Variants in MLKL observed in about 807,000 individuals in gnomAD.
MLKL encodes the protein mixed lineage kinase domain like pseudokinase.
Under a neutral mutation model 56.5 loss-of-function variants are expected in MLKL, and 55 were observed. That is an observed-to-expected ratio of 0.97 (90% CI 0.78 to 1.22). The LOEUF is 1.22. MLKL is among the 50% of genes most tolerant of loss of function. The pLI, the probability that MLKL is intolerant of heterozygous loss-of-function variation, is 0.00. For missense variants in MLKL, 694 were observed against 573.9 expected (o/e 1.21, Z -2.14); for synonymous variants, 251 against 208.3 (o/e 1.20, Z -1.76).
At chr16:74,678,110 C>G (rs1023809376) in intron 7 of MLKL, 7 of 152,334 alleles carry the variant, frequency 4.6e-5, no homozygotes, top group Non-Finnish European at 7.3e-5. Context: ...CCACACCCAC[C>G]TAATGGGAGC....
intron 4 of MLKL, among the ~76,000 whole-genome samples, chr16:74,686,303 C>T (rs1035755562): frequency 2.0e-5 from 3 of 151,942 alleles, no homozygotes; most frequent in Non-Finnish European, 2.9e-5. Flanking sequence ...TGATACTAGG[C>T]CGGGCGTGGT....
intron 5 of MLKL, among the ~76,000 whole-genome samples, chr16:74,684,632 C>G (rs567388680): frequency 6.6e-6 from 1 of 151,216 alleles, no homozygotes; most frequent in East Asian, 2.0e-4. Flanking sequence ...GTAGCTGGGA[C>G]TAGAGGCATG....
rs1339535982 is a variant in MLKL at position 74,693,464 on chromosome 16, AAAAAG to A, written c.461-1053_461-1049del. Among the ~76,000 whole-genome samples the A allele has an allele frequency of 9.0e-3, 895 of 99,114 alleles. 11 individuals are homozygous for A. Among genetic ancestry groups the A allele is most frequent in the African/African-American group, 0.037 (851 of 22,780 alleles). The allele number at this position is 99,114 out of a possible 152,430, so 65.0% of individuals were successfully genotyped here. A position where few individuals can be genotyped will look rare whatever the true frequency, so the allele number is the denominator to read the frequency against. On this transcript the variant is annotated intron_variant, in intron 2 of 10. Coordinates refer to ENST00000308807, the MANE Select transcript of MLKL (RefSeq NM_152649.4). The stretch of plus-strand genomic sequence containing the variant: ...GCAAGACTCTGTCTCAAAAAAAAAA[AAAAAG>A]AAAAGAAAAAAGAAAGAAAGAAAGA...
At position 74,695,883 on chromosome 16, in the gene MLKL, G is replaced by A. The variant is rs1567621009; in HGVS notation, c.-2-124C>T. 6 of 839,226 alleles carry A rather than the reference G, an allele frequency of 7.1e-6. No individual in the cohort carries two copies. In the East Asian group the frequency reaches 1.6e-4, roughly 22 times the overall value. 52.0% of individuals were successfully genotyped at this position (839,226 alleles called of 1,614,324 possible). On this transcript the variant is annotated intron_variant, in intron 1 of 10. Transcript: ENST00000308807. ...GAGGAGGTCTCCCCAGCATTTTCAT[G>A]CAAGATAGAGATGGTTTGCTACCCA...
At position 74,682,633 on chromosome 16, in the gene MLKL, CT is replaced by C; in HGVS notation, c.956+17del. On this transcript the variant is annotated intron_variant, in intron 6 of 10. Coordinates refer to ENST00000308807, the MANE Select transcript of MLKL (RefSeq NM_152649.4). The stretch of plus-strand genomic sequence containing the variant: ...AGACCCATCCAACCCTTAGTGGCGC[CT>C]TTTCACCCCGTCTTACCGGTATAGG... 3.7e-6 allele frequency: 6 copies of C among 1,613,274 alleles called. No homozygotes were observed. The highest frequency in any genetic ancestry group is 5.1e-6 in the Non-Finnish European group (6 of 1,179,838).
intron 4 of MLKL, 54 bp downstream of exon 4, chr16:74,691,223 G>T: frequency 6.7e-7 from 1 of 1,493,742 alleles, no homozygotes; most frequent in Non-Finnish European, 9.1e-7. Flanking sequence ...CTCTCTCCTT[G>T]GAGAGTTAGA....
At position 74,674,968 on chromosome 16, in the gene MLKL, G is replaced by C. The variant is rs746981374; in HGVS notation, c.1373C>G (p.Ser458Cys). 4 of 1,613,858 alleles carry C rather than the reference G, an allele frequency of 2.5e-6. No homozygotes were observed. In the African/African-American group the frequency reaches 5.3e-5, roughly 22 times the overall value. ...CRAHDPSVRPSVDEILKKLST... is the reference protein window; with the variant it reads ...CRAHDPSVRPCVDEILKKLST... ...ACCAGAAAGAACCCTACCATCCACA[G>C]AGGGCCGCACAGAGGGATCATGGGC... The change falls in exon 10 of 11, where the codon TCT becomes TGT. Residue 458 changes from serine (S) to cysteine (C), a missense_variant. Coordinates refer to ENST00000308807, the MANE Select transcript of MLKL (RefSeq NM_152649.4).
Position 74,695,480 on chromosome 16 carries a change from T to G in MLKL, c.278A>C (p.Gln93Pro). The G allele has an allele frequency of 6.2e-7, 1 of 1,614,202 alleles. No homozygotes were observed. The highest frequency in any genetic ancestry group is 8.5e-7 in the Non-Finnish European group (1 of 1,180,050). The change falls in exon 2 of 11, where the codon CAG becomes CCG. Residue 93 changes from glutamine to proline, a missense_variant. By Grantham distance (76) the Gln-to-Pro change is moderately conservative (BLOSUM62 -1). Transcript: ENST00000308807. ...SNICRFLTASQDKILFKDVNR... is the reference protein window; with the variant it reads ...SNICRFLTASPDKILFKDVNR... ...CACGTCCTTGAAGAGTATTTTGTCC[T>G]GGCTTGCTGTTAGAAACCTGCAGAT...
intron 5 of MLKL, among the ~76,000 whole-genome samples, chr16:74,684,216 G>C (rs1341207671): frequency 6.6e-6 from 1 of 151,836 alleles, no homozygotes; most frequent in African/African-American, 2.4e-5. Flanking sequence ...CCAAAGTGCT[G>C]GGATTACAGA....
At chr16:74,673,119 G>C (rs559072497) in intron 10 of MLKL, among the ~76,000 whole-genome samples, 49 of 152,302 alleles carry the variant, frequency 3.2e-4, no homozygotes, top group African/African-American at 1.1e-3. Flanking sequence ...AGAAGGCCTT[G>C]AAGAACAGTC....
At position 74,682,690 on chromosome 16, in the gene MLKL, C is replaced by A; in HGVS notation, c.917G>T (p.Arg306Leu). 1 of 1,614,118 alleles carries A rather than the reference C, an allele frequency of 6.2e-7. No homozygotes were observed. The change falls in exon 6 of 11, where the codon CGC (arginine) becomes CTC (leucine). Residue 306 changes from arginine to leucine, a missense_variant. Coordinates refer to ENST00000308807, the MANE Select transcript of MLKL (RefSeq NM_152649.4). ...DREKDLTLGK[R>L]MVLVLGAARG... ...GGCTGCCCCCAGGACTAGGACCATGCGCTTGCCAAGTGTGAGGTCTTTTTC... is the reference window on the plus strand; with the variant it reads ...GGCTGCCCCCAGGACTAGGACCATGAGCTTGCCAAGTGTGAGGTCTTTTTC...
At chr16:74,700,123 C>T (rs1237216909) in intron 1 of MLKL, among the ~76,000 whole-genome samples, 1 of 152,060 alleles carries the variant, frequency 6.6e-6, no homozygotes, top group Non-Finnish European at 1.5e-5. Flanking sequence ...AGGCATTTCC[C>T]TCTTCTCTCT....
chr16:74,682,875 T>A, intron 5 of MLKL, 89 bp from the exon 6 acceptor site: 1 of 1,481,906 alleles, frequency 6.7e-7, no homozygotes, highest in Non-Finnish European at 9.1e-7. Context: ...TCGGTACAGA[T>A]ACAGACTTGG....
At chr16:74,682,106 C>A (rs78436752) in intron 6 of MLKL, among the ~76,000 whole-genome samples, 2 of 144,502 alleles carry the variant, frequency 1.4e-5, no homozygotes, top group African/African-American at 5.0e-5. Flanking sequence ...AAAAAAAAAA[C>A]TGGCTGAGTG....
intron 1 of MLKL, among the ~76,000 whole-genome samples, chr16:74,698,385 AG>A (rs2144574473): frequency 1.3e-5 from 2 of 152,296 alleles, no homozygotes; most frequent in East Asian, 3.9e-4. Context: ...AACATGAGTA[AG>A]GCACTGGCAG....
intron 1 of MLKL, among the ~76,000 whole-genome samples, chr16:74,699,462 T>C (rs184153562): frequency 1.2e-4 from 18 of 152,322 alleles, no homozygotes; most frequent in Non-Finnish European, 5.9e-5. Flanking sequence ...TTAAATTGTT[T>C]AAGGTCTTAT....
Position 74,695,356 on chromosome 16 carries a change from T to C in MLKL, c.402A>G (p.Ala134=). ...CGTCTGCATCCTGCTGATCTTCCTG[T>C]GCCCAGGACGCTCCTTGGCTTATGG... The part of the protein sequence containing the change: ...VSPISQGASW[A]QEDQQDADED... The change falls in exon 2 of 11, where the codon GCA becomes GCG. Residue 134 remains alanine (A), a synonymous_variant. Coordinates refer to ENST00000308807, the MANE Select transcript of MLKL (RefSeq NM_152649.4). 1 of 1,614,220 alleles carries C rather than the reference T, an allele frequency of 6.2e-7. No individual in the cohort carries two copies. The highest frequency in any genetic ancestry group is 8.5e-7 in the Non-Finnish European group (1 of 1,180,042).
At chr16:74,675,161 T>A (rs559927661) in intron 9 of MLKL, 61 bp from the exon 10 acceptor site, 2 of 1,596,254 alleles carry the variant, frequency 1.3e-6, no homozygotes, top group South Asian at 2.3e-5. Flanking sequence ...TCTCTCTGGA[T>A]GCTGATGGCT....
rs765438733 is a variant in MLKL at position 74,672,478 on chromosome 16, G to T, written c.*26C>A. ...TGCCTCTCCCAGCTTCTTGTCCAGA[G>T]ACTCCTTGGTTTAGATTTTGATACA... On this transcript the variant is annotated 3_prime_UTR_variant, in exon 11 of 11. Coordinates refer to ENST00000308807, the MANE Select transcript of MLKL (RefSeq NM_152649.4). 1.9e-6 allele frequency: 3 copies of T among 1,607,948 alleles called. No homozygotes were observed. The highest frequency in any genetic ancestry group is 1.1e-5 in the South Asian group (1 of 90,912).
Sources: gnomAD v4.1 joint callset for allele counts (sites outside exome capture counted in the v4.1 genomes callset) on GRCh38, gnomAD v4.1.1 for gene constraint, MANE v1.5 for transcripts, NCBI Gene and HGNC (gene_info 2026-07-23, HGNC 2026-07-21) for gene names.